The following HOXA2 variants were observed in gnomAD, a reference collection of about 807,000 sequenced individuals.
HOXA2 encodes the protein homeobox A2, also known as homeobox protein Hox-A2.
In HOXA2, 4 loss-of-function variants were observed where a neutral mutation model predicts 27.2. The ratio of observed to expected loss-of-function variants is 0.15; its 90% CI spans 0.07 to 0.34. The LOEUF (loss-of-function observed/expected upper bound fraction) is 0.34, where lower values mean the gene tolerates loss of function less well. Ranked by LOEUF, HOXA2 falls within the 10% of genes least tolerant of loss-of-function variation. HOXA2 has a pLI of 1.00. For synonymous variants in HOXA2, 200 were observed against 202.8 expected, an observed-to-expected ratio of 0.99 and a Z score of 0.12; for missense variants, 430 against 473.2, an observed-to-expected ratio of 0.91 and a Z score of 0.85.
At position 27,101,483 on chromosome 7, in the gene HOXA2, A is replaced by G; in HGVS notation, c.392-18T>C. 1 of 1,599,180 alleles carries G rather than the reference A, an allele frequency of 6.3e-7. No homozygotes were observed. Among genetic ancestry groups the G allele is most frequent in the Admixed American group, 1.7e-5 (1 of 60,026 alleles). On this transcript the variant is annotated intron_variant, in intron 1 of 1. Coordinates refer to ENST00000222718, the MANE Select transcript of HOXA2 (RefSeq NM_006735.4). ...CAGGGATTCTGCGGAAAGGGAAACC[A>G]ACAAGAGACACACGCACAGTTGGAG...
At position 27,102,087 on chromosome 7, in the gene HOXA2, TG is replaced by T. The variant is rs1783937518; in HGVS notation, c.391+22del. On this transcript the variant is annotated intron_variant, in intron 1 of 1. Coordinates refer to ENST00000222718, the MANE Select transcript of HOXA2 (RefSeq NM_006735.4). The surrounding 1 kb of genome is among the most constrained non-coding windows in gnomAD (Gnocchi z 4.6). ...GAGAAGGAAGAGGGTCCCAGAGACC[TG>T]GGGCCAAGTCTTTGGACTGACCTTT... 22 of 1,606,346 alleles carry T rather than the reference TG, an allele frequency of 1.4e-5. No individual in the cohort carries two copies. Among genetic ancestry groups the T allele is most frequent in the Non-Finnish European group, 1.8e-5 (21 of 1,177,286 alleles).
chr7:27,101,438 C>A lies in HOXA2; in HGVS notation c.419G>T (p.Gly140Val), dbSNP rs772381717. 1.9e-6 allele frequency: 3 copies of A among 1,600,616 alleles called. No individual in the cohort carries two copies. In the African/African-American group the frequency reaches 4.0e-5, roughly 21 times the overall value. Residue 140 changes from glycine to valine, a missense_variant, in exon 2 of 2, where the codon GGC becomes GTC. Gly to Val is a moderately radical substitution (Grantham distance 109). Coordinates refer to ENST00000222718, the MANE Select transcript of HOXA2 (RefSeq NM_006735.4). ...KESLEIADGS[G>V]GGSRRLRTAY... ...AGTTCTCAGGCGCCGCGATCCCCCG[C>A]CGCTGCCATCGGCGATTTCCAGGGA... is the stretch of plus-strand genomic sequence containing the variant.
Position 27,100,549 on chromosome 7 carries a change from A to C in HOXA2, c.*177T>G, listed in dbSNP as rs1783907636. 1.5e-6 allele frequency: 1 copy of C among 675,694 alleles called. No homozygotes were observed. The highest frequency in any genetic ancestry group is 2.8e-5 in the Admixed American group (1 of 35,146). The allele number at this position is 675,694 out of a possible 1,614,324, so 41.9% of individuals were successfully genotyped here. On this transcript the variant is annotated 3_prime_UTR_variant, in exon 2 of 2. Coordinates refer to ENST00000222718, the MANE Select transcript of HOXA2 (RefSeq NM_006735.4). ...CTAAAACTCCAAAATAATCTGTAAA[A>C]GATGGCTCTGTTTGAAACTGGGTCA...
Position 27,102,300 on chromosome 7 carries a change from G to A in HOXA2, c.201C>T (p.His67=), listed in dbSNP as rs374904865. Reference sequence around the variant, plus strand: ...TCGGCTTGGGGCGGCCGCCAGCGCCGTGGCGAGGGTGACTGCCGGGGTTCA... The same window carrying A: ...TCGGCTTGGGGCGGCCGCCAGCGCCATGGCGAGGGTGACTGCCGGGGTTCA... ...PSLNPGSHPR[H]GAGGRPKPSP... The change falls in exon 1 of 2, where the codon CAC becomes CAT. Residue 67 remains histidine, a synonymous_variant. Transcript: ENST00000222718. This position sits in a 1 kb window ranked among gnomAD's most constrained non-coding sequence, Gnocchi z 4.6. 191 of 1,609,730 alleles carry A rather than the reference G, an allele frequency of 1.2e-4. No individual in the cohort carries two copies. The African/African-American group carries it at 1.6e-3, about 13-fold the overall frequency.
In HOXA2 at chr7:27,102,309, G is replaced by T. The variant is rs1783943717; in HGVS notation, c.192C>A (p.His64Gln). 1.2e-6 allele frequency: 2 copies of T among 1,612,260 alleles called. No homozygotes were observed. The highest frequency in any genetic ancestry group is 2.7e-5 in the African/African-American group (2 of 74,856). ...QTIPSLNPGS[H>Q]PRHGAGGRPK... ...GGCGGCCGCCAGCGCCGTGGCGAGG[G>T]TGACTGCCGGGGTTCAGGCTGGGAA... Residue 64 changes from histidine to glutamine, a missense_variant, in exon 1 of 2, where the codon CAC becomes CAA. This residue lies in a region of HOXA2 where 166 missense variants were observed against 207.6 expected (regional missense o/e 0.80). Transcript: ENST00000222718. This position sits in a 1 kb window ranked among gnomAD's most constrained non-coding sequence, Gnocchi z 4.6.
rs1783906600 is a variant in HOXA2 at position 27,100,465 on chromosome 7, C to A, written c.*261G>T. 6 of 477,152 alleles carry A rather than the reference C, an allele frequency of 1.3e-5. No homozygotes were observed. The highest frequency in any genetic ancestry group is 1.9e-5 in the Non-Finnish European group (5 of 266,220). The allele number at this position is 477,152 out of a possible 1,614,324, so 29.6% of individuals were successfully genotyped here. On this transcript the variant is annotated 3_prime_UTR_variant, in exon 2 of 2. Transcript: ENST00000222718. ...ATACAATTATATGATCACTTTCTTG[C>A]AGGCCTCATACTGCTCTCAGGAATC...
At position 27,102,584 on chromosome 7, in the gene HOXA2, G is replaced by C; in HGVS notation, c.-84C>G. 5.1e-6 allele frequency: 7 copies of C among 1,367,184 alleles called. No homozygotes were observed. Among genetic ancestry groups the C allele is most frequent in the Non-Finnish European group, 7.2e-6 (7 of 972,502 alleles). 84.7% of individuals were successfully genotyped at this position (1,367,184 alleles called of 1,614,324 possible). A position where few individuals can be genotyped will look rare whatever the true frequency, so the allele number is the denominator to read the frequency against. ...GGGGCAAGGCCTAGGAAAAAGGCGAGCGCAGAGGAAAAAAAATCTATCATA... is the reference window on the plus strand; with the variant it reads ...GGGGCAAGGCCTAGGAAAAAGGCGACCGCAGAGGAAAAAAAATCTATCATA... On this transcript the variant is annotated 5_prime_UTR_variant, in exon 1 of 2. Coordinates refer to ENST00000222718, the MANE Select transcript of HOXA2 (RefSeq NM_006735.4). This position sits in a 1 kb window ranked among gnomAD's most constrained non-coding sequence, Gnocchi z 4.6.
At chr7:27,101,954 C>G (rs1407762311) in intron 1 of HOXA2, 156 bp downstream of exon 1, 2 of 1,065,560 alleles carry the variant, frequency 1.9e-6, no homozygotes, top group East Asian at 5.1e-5. Context: ...ATCAAACCCA[C>G]TCCTGAACCC....
chr7:27,100,460 T>C lies in HOXA2; in HGVS notation c.*266A>G. On this transcript the variant is annotated 3_prime_UTR_variant, in exon 2 of 2. Transcript: ENST00000222718. ...TGAAGATACAATTATATGATCACTT[T>C]CTTGCAGGCCTCATACTGCTCTCAG... The C allele has an allele frequency of 2.1e-6, 1 of 469,518 alleles. No individual in the cohort carries two copies. The highest frequency in any genetic ancestry group is 3.8e-6 in the Non-Finnish European group (1 of 261,604). The allele number at this position is 469,518 out of a possible 1,614,324, so 29.1% of individuals were successfully genotyped here.
rs756301122 is a variant in HOXA2 at position 27,101,102 on chromosome 7, T to C, written c.755A>G (p.Gln252Arg). 3 of 1,614,230 alleles carry C rather than the reference T, an allele frequency of 1.9e-6. No individual in the cohort carries two copies. Among genetic ancestry groups the C allele is most frequent in the East Asian group, 4.5e-5 (2 of 44,886 alleles). ...ALLEREGYTF[Q>R]QNALSQQQAP... ...CTGCTGCTGAGAGAGGGCATTTTGC[T>C]GAAAAGTGTAGCCTTCCCTCTCCAG... The change falls in exon 2 of 2, where the codon CAG becomes CGG. Residue 252 changes from glutamine to arginine, a missense_variant. By Grantham distance (43) the Gln-to-Arg change is conservative (BLOSUM62 1). This residue lies in a region of HOXA2 where 236 missense variants were observed against 208.5 expected (regional missense o/e 1.13). Coordinates refer to ENST00000222718, the MANE Select transcript of HOXA2 (RefSeq NM_006735.4).
Position 27,100,979 on chromosome 7 carries a change from G to A in HOXA2, c.878C>T (p.Thr293Ile). ...CATTGTTGACAAGCAGTTGGGAACA[G>A]TGGGTGACTGGTGCTGAAAATGTTT... ...NLKHFQHQSPTVPNCLSTMGQ... is the reference protein window; with the variant it reads ...NLKHFQHQSPIVPNCLSTMGQ... The change falls in exon 2 of 2, where the codon ACT (threonine) becomes ATT (isoleucine). Residue 293 changes from threonine to isoleucine, a missense_variant. This residue lies in a region of HOXA2 where 236 missense variants were observed against 208.5 expected (regional missense o/e 1.13). Transcript: ENST00000222718. 1.2e-6 allele frequency: 2 copies of A among 1,614,250 alleles called. No individual in the cohort carries two copies. Among genetic ancestry groups the A allele is most frequent in the Middle Eastern group, 1.6e-4 (1 of 6,062 alleles).
rs774798466 is a variant in HOXA2, at chr7:27,100,810, G to A, written c.1047C>T (p.Asp349=). Residue 349 remains aspartate (D), a synonymous_variant, in exon 2 of 2, where the codon GAC becomes GAT. Coordinates refer to ENST00000222718, the MANE Select transcript of HOXA2 (RefSeq NM_006735.4). ...AVSPSLPGSL[D]SPVDISADSL... ...TGTCAGCTGAAATATCTACGGGACTGTCGAGGGAACCTGGCAAACTGGGTG... is the reference window on the plus strand; with the variant it reads ...TGTCAGCTGAAATATCTACGGGACTATCGAGGGAACCTGGCAAACTGGGTG... 1 of 1,614,224 alleles carries A rather than the reference G, an allele frequency of 6.2e-7. No individual in the cohort carries two copies. Among genetic ancestry groups the A allele is most frequent in the Non-Finnish European group, 8.5e-7 (1 of 1,180,040 alleles).
rs1232338304 is a variant in HOXA2, at chr7:27,101,812, A to G, written c.391+298T>C. On this transcript the variant is annotated intron_variant, in intron 1 of 1. Transcript: ENST00000222718. Reference sequence around the variant, plus strand: ...TACTGTCAAAAAGCCAAACTCTAGGACAACTAGACAGGAGGAGGTCAGTTC... The same window carrying G: ...TACTGTCAAAAAGCCAAACTCTAGGGCAACTAGACAGGAGGAGGTCAGTTC... 12 of 692,232 alleles carry G rather than the reference A, an allele frequency of 1.7e-5. No homozygotes were observed. In the Admixed American group the frequency reaches 2.2e-4, roughly 13 times the overall value. The allele number at this position is 692,232 out of a possible 1,614,324, so 42.9% of individuals were successfully genotyped here. A position where few individuals can be genotyped will look rare whatever the true frequency, so the allele number is the denominator to read the frequency against.
chr7:27,102,207 C>T lies in HOXA2; in HGVS notation c.294G>A (p.Met98Ile). The T allele has an allele frequency of 1.3e-6, 2 of 1,541,442 alleles. No homozygotes were observed. The highest frequency in any genetic ancestry group is 1.7e-6 in the Non-Finnish European group (2 of 1,143,600). The change falls in exon 1 of 2, where the codon ATG becomes ATA. Residue 98 changes from methionine (M) to isoleucine (I), a missense_variant. Coordinates refer to ENST00000222718, the MANE Select transcript of HOXA2 (RefSeq NM_006735.4). This position sits in a 1 kb window ranked among gnomAD's most constrained non-coding sequence, Gnocchi z 4.6. ...GALQPPEYPWMKEKKAAKKTA... is the reference protein window; with the variant it reads ...GALQPPEYPWIKEKKAAKKTA... ...TTTTCTTGGCCGCCTTCTTCTCCTT[C>T]ATCCAGGGGTACTCGGGCGGCTGCA...
Position 27,101,429 on chromosome 7 carries a change from G to C in HOXA2, c.428C>G (p.Ser143Trp). Residue 143 changes from serine (S) to tryptophan (W), a missense_variant, in exon 2 of 2, where the codon TCG (serine) becomes TGG (tryptophan). Around this residue, in one of 4 missense-constraint regions of HOXA2, gnomAD observed 166 missense variants for 207.6 expected, o/e 0.80. Transcript: ENST00000222718. ...LEIADGSGGG[S>W]RRLRTAYTNT... The stretch of plus-strand genomic sequence containing the variant: ...GGTGTAAGCAGTTCTCAGGCGCCGC[G>C]ATCCCCCGCCGCTGCCATCGGCGAT... 2 of 1,600,684 alleles carry C rather than the reference G, an allele frequency of 1.2e-6. No individual in the cohort carries two copies. The highest frequency in any genetic ancestry group is 1.1e-5 in the South Asian group (1 of 91,080).
rs1783917960 is a variant in HOXA2, at chr7:27,101,081, T to A, written c.776A>T (p.Gln259Leu). 3.1e-6 allele frequency: 5 copies of A among 1,614,132 alleles called. No individual in the cohort carries two copies. Among genetic ancestry groups the A allele is most frequent in the African/African-American group, 1.3e-5 (1 of 74,954 alleles). Residue 259 changes from glutamine to leucine, a missense_variant, in exon 2 of 2, where the codon CAG becomes CTG. By Grantham distance (113) the Gln-to-Leu change is moderately radical. Around this residue, in one of 4 missense-constraint regions of HOXA2, gnomAD observed 236 missense variants for 208.5 expected, o/e 1.13. Coordinates refer to ENST00000222718, the MANE Select transcript of HOXA2 (RefSeq NM_006735.4). ...YTFQQNALSQ[Q>L]QAPNGHNGDS... is the part of the protein sequence containing the mutation. ...GCCATTGTGTCCATTGGGAGCCTGC[T>A]GCTGAGAGAGGGCATTTTGCTGAAA...
Position 27,101,425 on chromosome 7 carries a change from C to T in HOXA2, c.432G>A (p.Arg144=), listed in dbSNP as rs1783924008. 2.5e-6 allele frequency: 4 copies of T among 1,600,686 alleles called. No homozygotes were observed. The highest frequency in any genetic ancestry group is 3.3e-5 in the Admixed American group (2 of 60,010). ...EIADGSGGGS[R]RLRTAYTNTQ... is the part of the protein sequence containing the mutation. ...TGTTGGTGTAAGCAGTTCTCAGGCG[C>T]CGCGATCCCCCGCCGCTGCCATCGG... Residue 144 remains arginine, a synonymous_variant, in exon 2 of 2, where the codon CGG becomes CGA. Coordinates refer to ENST00000222718, the MANE Select transcript of HOXA2 (RefSeq NM_006735.4).
intron 1 of HOXA2, chr7:27,101,860 A>G (rs753470097): frequency 1.4e-6 from 1 of 708,826 alleles, no homozygotes; most frequent in South Asian, 1.5e-5. Flanking sequence ...ATCATCCCAC[A>G]TTACACAAGT....
rs760604728 is a variant in HOXA2 at position 27,102,091 on chromosome 7, G to C, written c.391+19C>G. 7.5e-6 allele frequency: 12 copies of C among 1,606,790 alleles called. No homozygotes were observed. In the South Asian group the frequency reaches 1.2e-4, roughly 16 times the overall value. On this transcript the variant is annotated intron_variant, in intron 1 of 1. Transcript: ENST00000222718. The surrounding 1 kb of genome is among the most constrained non-coding windows in gnomAD (Gnocchi z 4.6). ...AGGAAGAGGGTCCCAGAGACCTGGG[G>C]CCAAGTCTTTGGACTGACCTTTGTG...
Sources: gnomAD v4.1 joint callset for allele counts on GRCh38, gnomAD v4.1.1 for gene constraint, gnomAD v4.1.1 regional missense constraint, Gnocchi (gnomAD v3.1) non-coding constraint, MANE v1.5 for transcripts, NCBI Gene and HGNC (gene_info 2026-07-23, HGNC 2026-07-21) for gene names.